The following BANK1 variants were observed in gnomAD, a reference collection of about 807,000 sequenced individuals.
BANK1 encodes B-cell scaffold protein with ankyrin repeats.
BANK1 carries 95 observed loss-of-function variants against 94.5 expected under a neutral mutation model. That is an observed-to-expected ratio of 1.00 (90% CI 0.85 to 1.19). The LOEUF is 1.19. Ranked by LOEUF, BANK1 falls within the 50% of genes most tolerant of loss-of-function variation. BANK1 has a pLI of 0.00. For missense variants in BANK1, 987 were observed against 932.2 expected (o/e 1.06, Z -0.77); for synonymous variants, 334 against 308.4 (o/e 1.08, Z -0.87).
intron 7 of BANK1, among the ~76,000 whole-genome samples, chr4:101,953,081 G>A (rs1017403710): frequency 3.9e-5 from 6 of 152,184 alleles, no homozygotes; most frequent in Non-Finnish European, 8.8e-5. Flanking sequence ...GGGTAGAGGC[G>A]AGTCAAGGTT....
At chr4:102,056,653 T>C (rs1728236901) in intron 11 of BANK1, among the ~76,000 whole-genome samples, 2 of 151,948 alleles carry the variant, frequency 1.3e-5, no homozygotes, top group Non-Finnish European at 2.9e-5. Flanking sequence ...TCAGTACTCT[T>C]CTGTATTTTC....
At chr4:101,850,309 T>C (rs189364991) in intron 2 of BANK1, among the ~76,000 whole-genome samples, 32 of 152,320 alleles carry the variant, frequency 2.1e-4, no homozygotes, top group African/African-American at 7.7e-4. Flanking sequence ...TCTTGCTTTG[T>C]CACCCAGGCT....
chr4:101,801,711 C>T (rs35838403), intron 1 of BANK1, among the ~76,000 whole-genome samples: 39,856 of 152,158 alleles, frequency 0.26, 5,584 homozygotes, highest in Non-Finnish European at 0.32. Context: ...TATATATTCA[C>T]ATGATTTATT....
chr4:101,851,486 G>A (rs1445533888), intron 2 of BANK1, among the ~76,000 whole-genome samples: 1 of 152,142 alleles, frequency 6.6e-6, no homozygotes, highest in Non-Finnish European at 1.5e-5. Flanking sequence ...CTAAGGTGTT[G>A]GTAAGAAAAG....
At chr4:101,933,311 A>AG (rs1456596498) in intron 7 of BANK1, among the ~76,000 whole-genome samples, 4 of 113,318 alleles carry the variant, frequency 3.5e-5, no homozygotes, top group African/African-American at 9.9e-5. Context: ...GTAAGAAAGG[A>AG]GAAAAAAAAA....
rs1728859597 is a variant in BANK1, at chr4:102,074,470, A to C, written c.*471A>C. The C allele has an allele frequency of 4.6e-5, 7 of 152,026 alleles. No homozygotes were observed. The highest frequency in any genetic ancestry group is 4.6e-4 in the Admixed American group (7 of 15,272). 9.4% of individuals were successfully genotyped at this position (152,026 alleles called of 1,614,324 possible). ...CATTTTCTGAATTTCTCACATTCAG[A>C]GTTCCAGTCATTATTGTTACATCAT... On this transcript the variant is annotated 3_prime_UTR_variant, in exon 17 of 17. Transcript: ENST00000322953.
chr4:102,053,881 T>C, intron 11 of BANK1, among the ~76,000 whole-genome samples: 1 of 151,870 alleles, frequency 6.6e-6, no homozygotes, highest in African/African-American at 2.4e-5. Context: ...ATTACTTTAT[T>C]AATAAAAAAA....
chr4:101,951,569 CTTAGA>C (rs1330585333), intron 7 of BANK1, among the ~76,000 whole-genome samples: 2 of 151,990 alleles, frequency 1.3e-5, no homozygotes, highest in African/African-American at 4.8e-5. Flanking sequence ...TTCAAAGGAT[CTTAGA>C]TTAGACTGTT....
chr4:101,887,811 A>G lies in BANK1; in HGVS notation c.904-7494A>G, dbSNP rs118028118. Among the ~76,000 whole-genome samples, 708 of 152,332 alleles carry G rather than the reference A, an allele frequency of 4.6e-3. 12 individuals are homozygous for G. The East Asian group carries it at 0.058, about 12-fold the overall frequency. On this transcript the variant is annotated intron_variant, in intron 5 of 16. Transcript: ENST00000322953. ...ATATTGCAATTCAAAGAAATGATTCATTCAAAACAGAAAATTAAGTTGATA... is the reference window on the plus strand; with the variant it reads ...ATATTGCAATTCAAAGAAATGATTCGTTCAAAACAGAAAATTAAGTTGATA...
Position 102,010,042 on chromosome 4 carries a change from A to G in BANK1, c.1207-11472A>G, listed in dbSNP as rs531002475. Among the ~76,000 whole-genome samples, 424 of 152,284 alleles carry G rather than the reference A, an allele frequency of 2.8e-3. 2 individuals are homozygous for G. The highest frequency in any genetic ancestry group is 0.024 in the Middle Eastern group (7 of 294). ...AGCACTTTGGGAGGCTAAGGTGGGC[A>G]GATCACGAAGTCAGGAGATCGAGAC... is the stretch of plus-strand genomic sequence containing the variant. On this transcript the variant is annotated intron_variant, in intron 7 of 16. Coordinates refer to ENST00000322953, the MANE Select transcript of BANK1 (RefSeq NM_017935.5).
At chr4:102,047,354 G>T (rs914676036) in intron 11 of BANK1, among the ~76,000 whole-genome samples, 6 of 152,090 alleles carry the variant, frequency 3.9e-5, no homozygotes, top group African/African-American at 1.4e-4. Context: ...TACACTGCTT[G>T]TAAATTTACA....
chr4:101,984,956 G>A (rs1725435041), intron 7 of BANK1, among the ~76,000 whole-genome samples: 1 of 152,052 alleles, frequency 6.6e-6, no homozygotes. Flanking sequence ...ATTTAACCAT[G>A]TATACAATCT....
chr4:102,017,257 A>G (rs193058792), intron 7 of BANK1, among the ~76,000 whole-genome samples: 14 of 152,348 alleles, frequency 9.2e-5, no homozygotes, highest in East Asian at 3.9e-4. Context: ...TTAGTGACAG[A>G]GATGGTCAGA....
chr4:101,830,298 G>A, intron 2 of BANK1, 92 bp downstream of exon 2: 1 of 1,066,006 alleles, frequency 9.4e-7, no homozygotes, highest in Non-Finnish European at 1.3e-6. Context: ...CCAATAACTG[G>A]TGTCAGGATA....
chr4:101,834,464 A>G (rs1726750164), intron 2 of BANK1, among the ~76,000 whole-genome samples: 1 of 152,194 alleles, frequency 6.6e-6, no homozygotes, highest in Admixed American at 6.5e-5. Context: ...AATGGTAGCA[A>G]TCTCCAAACT....
intron 13 of BANK1, among the ~76,000 whole-genome samples, chr4:102,064,771 C>A (rs1383023008): frequency 6.6e-6 from 1 of 152,182 alleles, no homozygotes; most frequent in African/African-American, 2.4e-5. Context: ...TAGAGACAAG[C>A]AGTACTCCTG....
intron 14 of BANK1, among the ~76,000 whole-genome samples, chr4:102,071,559 T>G (rs1728763658): frequency 6.6e-6 from 1 of 152,222 alleles, no homozygotes; most frequent in South Asian, 2.1e-4. Context: ...TGTTCTCAAC[T>G]TACTAATTGT....
chr4:101,977,667 C>A (rs1383132809), intron 7 of BANK1, among the ~76,000 whole-genome samples: 1 of 152,000 alleles, frequency 6.6e-6, no homozygotes, highest in Non-Finnish European at 1.5e-5. Context: ...TATTTTCTGA[C>A]CTTATATCAA....
At chr4:101,878,689 G>A (rs1398163498) in intron 5 of BANK1, among the ~76,000 whole-genome samples, 2 of 152,096 alleles carry the variant, frequency 1.3e-5, no homozygotes, top group Non-Finnish European at 2.9e-5. Context: ...CTCAAAAATA[G>A]ACCATATGTT....
Sources: allele counts gnomAD v4.1 joint callset (sites outside exome capture counted in the v4.1 genomes callset), GRCh38; gene constraint gnomAD v4.1.1; transcripts MANE v1.5; gene names NCBI Gene and HGNC (gene_info 2026-07-23, HGNC 2026-07-21).